Variants in ZSWIM6 observed in about 807,000 individuals in gnomAD.
The protein encoded by ZSWIM6 is zinc finger SWIM domain-containing protein 6.
A neutral mutation model predicts 113.2 loss-of-function variants in ZSWIM6; 9 were observed. The observed-to-expected ratio is 0.08, with a 90% CI of 0.05 to 0.14. The LOEUF (loss-of-function observed/expected upper bound fraction) is 0.14. Among genes scored for constraint, ZSWIM6 ranks in the 10% least tolerant of loss-of-function variants. ZSWIM6 has a pLI of 1.00. For missense variants in ZSWIM6, 1,162 were observed against 1,552.2 expected (o/e 0.75, Z 4.22); for synonymous variants, 611 against 606.5 (o/e 1.01, Z -0.11).
At chr5:61,374,801 C>G (rs532165096) in intron 1 of ZSWIM6, among the ~76,000 whole-genome samples, 2 of 152,152 alleles carry the variant, frequency 1.3e-5, no homozygotes, top group South Asian at 4.2e-4. Context: ...ATGATCCGCC[C>G]GCCTCGGCCT....
intron 1 of ZSWIM6, among the ~76,000 whole-genome samples, chr5:61,356,529 T>C (rs1250500539): frequency 6.6e-6 from 1 of 151,162 alleles, no homozygotes; most frequent in African/African-American, 2.4e-5. Flanking sequence ...CAATTACTTT[T>C]GCACCAACCT....
intron 1 of ZSWIM6, among the ~76,000 whole-genome samples, chr5:61,434,298 GT>G (rs1218382988): frequency 1.3e-5 from 2 of 150,562 alleles, no homozygotes; most frequent in Non-Finnish European, 3.0e-5. Context: ...GTTACTTAAA[GT>G]TTTTTTTATT....
At chr5:61,345,353 A>T (rs1035491578) in intron 1 of ZSWIM6, among the ~76,000 whole-genome samples, 103 of 152,314 alleles carry the variant, frequency 6.8e-4, no homozygotes, top group African/African-American at 2.3e-3. Flanking sequence ...CTGGGTCTAG[A>T]TTCTATACAC....
At position 61,464,924 on chromosome 5, in the gene ZSWIM6, A is replaced by G. The variant is rs768764344; in HGVS notation, c.677-7757A>G. ...GCCACTTGGGCACCAAAGGGCTCTAATAAACTTCATCTGCACTTCAGAATT... is the reference window on the plus strand; with the variant it reads ...GCCACTTGGGCACCAAAGGGCTCTAGTAAACTTCATCTGCACTTCAGAATT... On this transcript the variant is annotated intron_variant, in intron 1 of 13. Transcript: ENST00000252744. 4.6e-5 allele frequency among the ~76,000 whole-genome samples: 7 copies of G among 152,356 alleles called. No homozygotes were observed. The South Asian group carries it at 6.2e-4, about 14-fold the overall frequency.
intron 2 of ZSWIM6, among the ~76,000 whole-genome samples, chr5:61,474,092 T>C (rs1280318990): frequency 6.6e-6 from 1 of 152,232 alleles, no homozygotes; most frequent in Non-Finnish European, 1.5e-5. Context: ...GTACCCCCTT[T>C]CAGTCACAAG....
At position 61,530,221 on chromosome 5, in the gene ZSWIM6, C is replaced by A. The variant is rs937894280; in HGVS notation, c.1984+23C>A. 5.9e-6 allele frequency: 9 copies of A among 1,530,488 alleles called. 1 individual carries two copies. Among genetic ancestry groups the A allele is most frequent in the African/African-American group, 5.5e-5 (4 of 72,102 alleles). 94.8% of individuals were successfully genotyped at this position (1,530,488 alleles called of 1,614,324 possible). A position where few individuals can be genotyped will look rare whatever the true frequency, so the allele number is the denominator to read the frequency against. ...CAGGTAAAACCATTGACATTTGTCTCATGTGCTTTTCTTTTTCTAAACCCT... is the reference window on the plus strand; with the variant it reads ...CAGGTAAAACCATTGACATTTGTCTAATGTGCTTTTCTTTTTCTAAACCCT... On this transcript the variant is annotated intron_variant, in intron 8 of 13. Transcript: ENST00000252744.
At chr5:61,521,090 T>C (rs909387223) in intron 4 of ZSWIM6, among the ~76,000 whole-genome samples, 173 bp from the exon 5 acceptor site, 1 of 152,014 alleles carries the variant, frequency 6.6e-6, no homozygotes, top group Admixed American at 6.6e-5. Flanking sequence ...TGGATCTCTT[T>C]TGAAATTGTT....
intron 2 of ZSWIM6, among the ~76,000 whole-genome samples, chr5:61,490,019 A>T (rs1260755004): frequency 2.6e-5 from 4 of 151,434 alleles, no homozygotes; most frequent in Admixed American, 6.6e-5. Flanking sequence ...TTTAGATCTA[A>T]TTTTTTTTTG....
At chr5:61,469,674 G>A (rs1747519109) in intron 1 of ZSWIM6, among the ~76,000 whole-genome samples, 1 of 151,936 alleles carries the variant, frequency 6.6e-6, no homozygotes, top group African/African-American at 2.4e-5. Flanking sequence ...ACCATTTGAG[G>A]GCTTCACCAG....
At chr5:61,367,463 T>C (rs755061980) in intron 1 of ZSWIM6, among the ~76,000 whole-genome samples, 1 of 152,158 alleles carries the variant, frequency 6.6e-6, no homozygotes, top group Non-Finnish European at 1.5e-5. Flanking sequence ...TCTATTGGTC[T>C]TGAACTCCTG....
intron 1 of ZSWIM6, among the ~76,000 whole-genome samples, chr5:61,334,206 T>C (rs1436990213): frequency 6.6e-6 from 1 of 152,186 alleles, no homozygotes; most frequent in Non-Finnish European, 1.5e-5. Flanking sequence ...TTTAAAAGTG[T>C]CTCCTGTTCC....
rs1374453231 is a variant in ZSWIM6 at position 61,543,083 on chromosome 5, A to T, written c.2786-372A>T. Among the ~76,000 whole-genome samples, 1 of 152,202 alleles carries T rather than the reference A, an allele frequency of 6.6e-6. No individual in the cohort carries two copies. The highest frequency in any genetic ancestry group is 1.5e-5 in the Non-Finnish European group (1 of 68,036). ...TTACACACAAGCACATAAGCCATGT[A>T]AAGTCCCTGTTTTGGTGAGGTTGCA... On this transcript the variant is annotated intron_variant, in intron 13 of 13. Coordinates refer to ENST00000252744, the MANE Select transcript of ZSWIM6 (RefSeq NM_020928.2). This position sits in a 1 kb window ranked among gnomAD's most constrained non-coding sequence, Gnocchi z 4.3.
chr5:61,539,105 G>A (rs1749659698), intron 11 of ZSWIM6, 134 bp downstream of exon 11: 2 of 1,068,430 alleles, frequency 1.9e-6, no homozygotes, highest in African/African-American at 1.6e-5. Flanking sequence ...TTCTTTAGAT[G>A]TTAGCTTTTA....
At chr5:61,338,743 A>C (rs1327100643) in intron 1 of ZSWIM6, among the ~76,000 whole-genome samples, 2 of 152,190 alleles carry the variant, frequency 1.3e-5, no homozygotes, top group African/African-American at 4.8e-5. Flanking sequence ...AAAGTCTTTA[A>C]TTTCTTGCAA....
chr5:61,442,441 T>TG lies in ZSWIM6; in HGVS notation c.677-30239dup, dbSNP rs1193967324. Among the ~76,000 whole-genome samples the TG allele has an allele frequency of 1.8e-4, 28 of 152,160 alleles. 1 individual carries two copies. Among genetic ancestry groups the TG allele is most frequent in the Admixed American group, 1.8e-3 (28 of 15,254 alleles). On this transcript the variant is annotated intron_variant, in intron 1 of 13. Coordinates refer to ENST00000252744, the MANE Select transcript of ZSWIM6 (RefSeq NM_020928.2). Reference sequence around the variant, plus strand: ...GTTTTGGGCAGCTCCATACCATGGATGAGGAATCAAAGTTTAATCTAATAC... The same window carrying TG: ...GTTTTGGGCAGCTCCATACCATGGATGGAGGAATCAAAGTTTAATCTAATAC...
intron 1 of ZSWIM6, among the ~76,000 whole-genome samples, chr5:61,417,516 CAG>C (rs1440900813): frequency 1.3e-5 from 2 of 152,096 alleles, no homozygotes; most frequent in Non-Finnish European, 2.9e-5. Flanking sequence ...CTGTAGAACA[CAG>C]TAATTAGAAA....
At chr5:61,532,369 A>T (rs1749460985) in intron 9 of ZSWIM6, among the ~76,000 whole-genome samples, 1 of 152,102 alleles carries the variant, frequency 6.6e-6, no homozygotes, top group Non-Finnish European at 1.5e-5. Flanking sequence ...TATTTTTCAG[A>T]TTTTTTCCCC....
At chr5:61,539,392 C>T (rs947395589) in intron 11 of ZSWIM6, among the ~76,000 whole-genome samples, 5 of 152,304 alleles carry the variant, frequency 3.3e-5, no homozygotes, top group Non-Finnish European at 5.9e-5. Context: ...CCGAGATTCA[C>T]AGACATTGCA....
chr5:61,422,448 G>C (rs1265655659), intron 1 of ZSWIM6, among the ~76,000 whole-genome samples: 2 of 152,116 alleles, frequency 1.3e-5, no homozygotes, highest in African/African-American at 4.8e-5. Context: ...TGCTGGCACT[G>C]TACTGTTTTG....
Sources: allele counts gnomAD v4.1 joint callset (sites outside exome capture counted in the v4.1 genomes callset), GRCh38; gene constraint gnomAD v4.1.1; non-coding constraint Gnocchi (gnomAD v3.1); transcripts MANE v1.5; gene names NCBI Gene and HGNC (gene_info 2026-07-23, HGNC 2026-07-21).